The following RFTN1 variants were observed in gnomAD, a reference collection of about 807,000 sequenced individuals.
RFTN1 encodes raftlin.
In RFTN1, 26 loss-of-function variants were observed where a neutral mutation model predicts 46.5. The ratio of observed to expected loss-of-function variants is 0.56; its 90% CI spans 0.41 to 0.78. RFTN1 has a LOEUF of 0.78. Among genes scored for constraint, RFTN1 ranks in the 30% least tolerant of loss-of-function variants. RFTN1 has a pLI of 0.00. For missense variants in RFTN1, 693 were observed against 718.7 expected, an observed-to-expected ratio of 0.96 and a Z score of 0.41; for synonymous variants, 261 against 284.2, an observed-to-expected ratio of 0.92 and a Z score of 0.82.
intron 2 of RFTN1, 68 bp from the exon 3 acceptor site, chr3:16,434,105 C>G: frequency 1.5e-6 from 2 of 1,370,902 alleles, no homozygotes; most frequent in Non-Finnish European, 1.9e-6. Context: ...GCCCAAACCC[C>G]TCTTCCCTTG....
At chr3:16,469,604 T>C (rs2076159100) in intron 2 of RFTN1, among the ~76,000 whole-genome samples, 1 of 151,860 alleles carries the variant, frequency 6.6e-6, no homozygotes, top group Non-Finnish European at 1.5e-5. Context: ...CTGGGGAGCA[T>C]GGTAGGGCGT....
intron 9 of RFTN1, 81 bp downstream of exon 9, chr3:16,323,295 G>GC (rs2069290888): frequency 9.7e-7 from 1 of 1,028,106 alleles, no homozygotes; most frequent in Non-Finnish European, 1.5e-6. Context: ...GGAGCAGGCT[G>GC]CCCCCTCAAA....
At chr3:16,318,972 A>G (rs2068737585) in intron 9 of RFTN1, among the ~76,000 whole-genome samples, 1 of 152,138 alleles carries the variant, frequency 6.6e-6, no homozygotes, top group African/African-American at 2.4e-5. Context: ...CGAGGCTCCA[A>G]ACCCACCAGA....
In RFTN1 at chr3:16,387,397, G is replaced by T. The variant is rs2074216218; in HGVS notation, c.442-9295C>A. On this transcript the variant is annotated intron_variant, in intron 4 of 9. Coordinates refer to ENST00000334133, the MANE Select transcript of RFTN1 (RefSeq NM_015150.2). The surrounding 1 kb of genome is among the most constrained non-coding windows in gnomAD (Gnocchi z 5.2). Reference sequence around the variant, plus strand: ...CCAGAGATGACTTAAAGACAAAATCGAGGTCAGAAGCTGAGAAGCCCATCC... The same window carrying T: ...CCAGAGATGACTTAAAGACAAAATCTAGGTCAGAAGCTGAGAAGCCCATCC... Among the ~76,000 whole-genome samples, 1 of 152,054 alleles carries T rather than the reference G, an allele frequency of 6.6e-6. No individual in the cohort carries two copies. Among genetic ancestry groups the T allele is most frequent in the African/African-American group, 2.4e-5 (1 of 41,396 alleles).
Position 16,382,648 on chromosome 3 carries a change from C to T in RFTN1, c.442-4546G>A, listed in dbSNP as rs548483727. On this transcript the variant is annotated intron_variant, in intron 4 of 9. Coordinates refer to ENST00000334133, the MANE Select transcript of RFTN1 (RefSeq NM_015150.2). The surrounding 1 kb of genome is among the most constrained non-coding windows in gnomAD (Gnocchi z 4.7). ...CTACACAGAAGACGATCACAGCTGA[C>T]GGGTCCACTGTTGATCTGGTCTCAC... Among the ~76,000 whole-genome samples, 6 of 152,280 alleles carry T rather than the reference C, an allele frequency of 3.9e-5. No homozygotes were observed. The highest frequency in any genetic ancestry group is 2.1e-4 in the South Asian group (1 of 4,820).
chr3:16,501,874 G>T (rs529239300), intron 1 of RFTN1, among the ~76,000 whole-genome samples: 3 of 152,166 alleles, frequency 2.0e-5, no homozygotes, highest in East Asian at 3.8e-4. Flanking sequence ...TGTACCCGTC[G>T]AAAGTGTTCC....
chr3:16,401,088 G>A (rs1559324485), intron 4 of RFTN1, among the ~76,000 whole-genome samples: 3 of 152,136 alleles, frequency 2.0e-5, no homozygotes, highest in Admixed American at 6.5e-5. Context: ...AATGGGGGCC[G>A]ATCGCTTGAG....
chr3:16,330,465 C>A (rs2070198919), intron 7 of RFTN1, among the ~76,000 whole-genome samples: 1 of 152,216 alleles, frequency 6.6e-6, no homozygotes. Context: ...GGAAGGCTCT[C>A]TTTGATCTGC....
chr3:16,493,965 C>T, intron 1 of RFTN1, 88 bp from the exon 2 acceptor site: 2 of 1,450,902 alleles, frequency 1.4e-6, no homozygotes, highest in Non-Finnish European at 1.9e-6. Context: ...CCGTAATTTT[C>T]CTGAAGAATA....
chr3:16,409,626 T>C, intron 3 of RFTN1, 143 bp from the exon 4 acceptor site: 2 of 551,146 alleles, frequency 3.6e-6, no homozygotes, highest in Non-Finnish European at 6.7e-6. Context: ...CAAGCAATTG[T>C]CCTGCCTCAG....
intron 4 of RFTN1, 137 bp downstream of exon 4, chr3:16,409,238 G>A (rs2074931416): frequency 3.4e-6 from 2 of 585,744 alleles, no homozygotes; most frequent in Admixed American, 2.9e-5. Flanking sequence ...CTTCCCTGTG[G>A]GGCTGCCAAA....
At chr3:16,331,008 G>A (rs979318431) in intron 7 of RFTN1, among the ~76,000 whole-genome samples, 32 of 152,282 alleles carry the variant, frequency 2.1e-4, no homozygotes, top group Admixed American at 1.3e-3. Flanking sequence ...AAAATATTTT[G>A]CTCTTTATAC....
chr3:16,446,759 C>T lies in RFTN1; in HGVS notation c.146-12722G>A, dbSNP rs142013169. ...GAGATTTCCCAAAAAGTGCGGTACCCGAGGGTATGAGCACACTTGAGTTTG... is the reference window on the plus strand; with the variant it reads ...GAGATTTCCCAAAAAGTGCGGTACCTGAGGGTATGAGCACACTTGAGTTTG... On this transcript the variant is annotated intron_variant, in intron 2 of 9. Transcript: ENST00000334133. This position sits in a 1 kb window ranked among gnomAD's most constrained non-coding sequence, Gnocchi z 4.5. Among the ~76,000 whole-genome samples the T allele has an allele frequency of 2.0e-5, 3 of 152,144 alleles. No homozygotes were observed. Among genetic ancestry groups the T allele is most frequent in the Non-Finnish European group, 4.4e-5 (3 of 67,996 alleles).
chr3:16,363,152 G>T (rs1243495946), intron 6 of RFTN1, among the ~76,000 whole-genome samples: 1 of 152,186 alleles, frequency 6.6e-6, no homozygotes, highest in Non-Finnish European at 1.5e-5. Context: ...CAGCAAAAAA[G>T]TCAATGAACC....
intron 4 of RFTN1, among the ~76,000 whole-genome samples, chr3:16,401,333 A>C (rs1345147117): frequency 6.6e-6 from 1 of 152,116 alleles, no homozygotes; most frequent in African/African-American, 2.4e-5. Context: ...AAAAAAAAAA[A>C]AAAAAAGACG....
chr3:16,378,816 G>A (rs373695554), intron 4 of RFTN1, among the ~76,000 whole-genome samples: 17 of 152,284 alleles, frequency 1.1e-4, no homozygotes, highest in African/African-American at 3.9e-4. Flanking sequence ...CAGCAGCGAG[G>A]TGATGGTTCC....
At chr3:16,332,827 G>A (rs1438046240) in intron 7 of RFTN1, among the ~76,000 whole-genome samples, 1 of 129,964 alleles carries the variant, frequency 7.7e-6, no homozygotes, top group African/African-American at 3.0e-5. Context: ...GTTCTTGTGG[G>A]CATCGATTTA....
Position 16,358,143 on chromosome 3 carries a change from T to C in RFTN1, c.1031-96A>G, listed in dbSNP as rs900912784. ...CAAACATTTCCACTGCATTCATTAA[T>C]AATCCCAATCAGAACATCTTTTCAG... On this transcript the variant is annotated intron_variant, in intron 6 of 9. Transcript: ENST00000334133. 8 of 716,098 alleles carry C rather than the reference T, an allele frequency of 1.1e-5. No individual in the cohort carries two copies. In the African/African-American group the frequency reaches 1.4e-4, roughly 13 times the overall value. The allele number at this position is 716,098 out of a possible 1,614,324, so 44.4% of individuals were successfully genotyped here.
At position 16,395,098 on chromosome 3, in the gene RFTN1, A is replaced by G. The variant is rs1204508013; in HGVS notation, c.441+14277T>C. The stretch of plus-strand genomic sequence containing the variant: ...CAAGTTTATACAATTTATATAATTT[A>G]AAATATGCATGTGCAATTAAATTAT... On this transcript the variant is annotated intron_variant, in intron 4 of 9. Coordinates refer to ENST00000334133, the MANE Select transcript of RFTN1 (RefSeq NM_015150.2). Among the ~76,000 whole-genome samples the G allele has an allele frequency of 2.0e-5, 3 of 152,392 alleles. No individual in the cohort carries two copies. In the East Asian group the frequency reaches 5.8e-4, roughly 29 times the overall value.
Sources: allele counts gnomAD v4.1 joint callset (sites outside exome capture counted in the v4.1 genomes callset), GRCh38; gene constraint gnomAD v4.1.1; non-coding constraint Gnocchi (gnomAD v3.1); transcripts MANE v1.5; gene names NCBI Gene and HGNC (gene_info 2026-07-23, HGNC 2026-07-21).